The following ZNF609 variants were observed in gnomAD, a reference collection of about 807,000 sequenced individuals.
The protein encoded by ZNF609 is zinc finger protein 609.
ZNF609 carries 11 observed loss-of-function variants against 109.5 expected under a neutral mutation model. The observed-to-expected ratio is 0.10, with a 90% CI of 0.06 to 0.17. The LOEUF (loss-of-function observed/expected upper bound fraction) is 0.17, where lower values mean the gene tolerates loss of function less well. Ranked by LOEUF, ZNF609 falls within the 10% of genes least tolerant of loss-of-function variation. ZNF609 has a pLI of 1.00. For missense variants in ZNF609, 1,559 were observed against 1,772.4 expected (o/e 0.88, Z 2.16); for synonymous variants, 646 against 662.0 (o/e 0.98, Z 0.37).
At chr15:64,665,578 C>G (rs560011628) in intron 3 of ZNF609, among the ~76,000 whole-genome samples, 87 of 151,954 alleles carry the variant, frequency 5.7e-4, no homozygotes, top group African/African-American at 2.0e-3. Flanking sequence ...TAGTGAGACT[C>G]TGTCTCTATT....
At chr15:64,604,875 AG>A (rs1242922074) in intron 2 of ZNF609, among the ~76,000 whole-genome samples, 5 of 152,076 alleles carry the variant, frequency 3.3e-5, no homozygotes, top group African/African-American at 1.2e-4. Flanking sequence ...TCTATCGCCC[AG>A]GCTGGAGTGC....
chr15:64,584,765 A>T (rs554625719), intron 2 of ZNF609, among the ~76,000 whole-genome samples: 23 of 151,756 alleles, frequency 1.5e-4, no homozygotes, highest in East Asian at 5.9e-4. Context: ...AGTAGCTGGG[A>T]CTATGGGTGC....
intron 1 of ZNF609, among the ~76,000 whole-genome samples, chr15:64,490,973 T>C (rs1286261763): frequency 6.6e-6 from 1 of 152,260 alleles, no homozygotes; most frequent in Non-Finnish European, 1.5e-5. Flanking sequence ...TGTTTTGCTC[T>C]CCTGTCCTTA....
intron 3 of ZNF609, among the ~76,000 whole-genome samples, chr15:64,662,082 C>T (rs1470975814): frequency 6.6e-6 from 1 of 152,112 alleles, no homozygotes; most frequent in African/African-American, 2.4e-5. Flanking sequence ...ATATCTGGGG[C>T]TGGAGGATCC....
chr15:64,492,374 A>G (rs552968894), intron 1 of ZNF609, among the ~76,000 whole-genome samples: 1 of 152,292 alleles, frequency 6.6e-6, no homozygotes, highest in African/African-American at 2.4e-5. Context: ...GTATTGGTAC[A>G]ACCTGTAATT....
At chr15:64,604,806 A>ATTTATTT (rs1555422362) in intron 2 of ZNF609, among the ~76,000 whole-genome samples, 3 of 151,848 alleles carry the variant, frequency 2.0e-5, no homozygotes, top group African/African-American at 7.3e-5. Context: ...TATTTAATTT[A>ATTTATTT]ATTTATTTAG....
At position 64,500,069 on chromosome 15, in the gene ZNF609, T is replaced by C. The variant is rs779190556; in HGVS notation, c.650T>C (p.Ile217Thr). ...GAVEPLGSIAIEPGAALNPLG... is the reference protein window; with the variant it reads ...GAVEPLGSIATEPGAALNPLG... Reference sequence around the variant, plus strand: ...GTGGAGCCACTTGGGAGTATAGCTATTGAGCCTGGGGCAGCGCTCAATCCT... The same window carrying C: ...GTGGAGCCACTTGGGAGTATAGCTACTGAGCCTGGGGCAGCGCTCAATCCT... The change falls in exon 2 of 10, where the codon ATT becomes ACT. Residue 217 changes from isoleucine (I) to threonine (T), a missense_variant. Around this residue, in one of 4 missense-constraint regions of ZNF609, gnomAD observed 291 missense variants for 317.8 expected, o/e 0.92. Transcript: ENST00000326648. 9.9e-6 allele frequency: 16 copies of C among 1,614,122 alleles called. No homozygotes were observed. Among genetic ancestry groups the C allele is most frequent in the Non-Finnish European group, 1.3e-5 (15 of 1,180,026 alleles).
chr15:64,539,400 G>A (rs1180876642), intron 2 of ZNF609, among the ~76,000 whole-genome samples: 1 of 151,760 alleles, frequency 6.6e-6, no homozygotes, highest in Admixed American at 6.6e-5. Context: ...GTAGAGACGG[G>A]GTTTCACCAT....
Position 64,678,388 on chromosome 15 carries a change from C to T in ZNF609, c.3675C>T (p.Ile1225=). Residue 1225 remains isoleucine, a synonymous_variant, in exon 6 of 10, where the codon ATC becomes ATT. Coordinates refer to ENST00000326648, the MANE Select transcript of ZNF609 (RefSeq NM_015042.2). ...SSPLTQHQSY[I]PYMHGYSYSQ... is the part of the protein sequence containing the mutation. ...CACTTACCCAGCACCAGTCCTACAT[C>T]CCCTACATGCACGGCTATTCCTACA... The T allele has an allele frequency of 1.2e-6, 2 of 1,614,014 alleles. No homozygotes were observed. Among genetic ancestry groups the T allele is most frequent in the Non-Finnish European group, 1.7e-6 (2 of 1,179,934 alleles).
chr15:64,613,319 C>CGAA (rs748276794), intron 2 of ZNF609, among the ~76,000 whole-genome samples: 2 of 151,748 alleles, frequency 1.3e-5, no homozygotes, highest in South Asian at 2.1e-4. Context: ...AGAAAAAAAA[C>CGAA]GAAGAAGAAG....
chr15:64,653,763 C>T (rs978372012), intron 3 of ZNF609, among the ~76,000 whole-genome samples: 12 of 152,182 alleles, frequency 7.9e-5, no homozygotes, highest in African/African-American at 2.4e-4. Flanking sequence ...AATAGTAGCT[C>T]CTTGCAGATT....
chr15:64,666,894 C>T (rs550631197), intron 3 of ZNF609, among the ~76,000 whole-genome samples: 2 of 151,664 alleles, frequency 1.3e-5, no homozygotes, highest in East Asian at 3.9e-4. Flanking sequence ...TTGGGGAGGC[C>T]GAGGCGGGCG....
chr15:64,550,906 G>T (rs1894458183), intron 2 of ZNF609, among the ~76,000 whole-genome samples: 1 of 150,932 alleles, frequency 6.6e-6, no homozygotes, highest in Admixed American at 6.6e-5. Flanking sequence ...TGTCTTCTTA[G>T]TCTTCTCATG....
At chr15:64,460,970 G>T (rs1211913442) in intron 1 of ZNF609, 132 bp downstream of exon 1, 2 of 105,074 alleles carry the variant, frequency 1.9e-5, no homozygotes, top group African/African-American at 7.7e-5. Flanking sequence ...AGTGGGGGTT[G>T]GGGGGGCTGG....
chr15:64,520,952 A>G (rs570331586), intron 2 of ZNF609, among the ~76,000 whole-genome samples: 1 of 152,280 alleles, frequency 6.6e-6, no homozygotes, highest in South Asian at 2.1e-4. Context: ...TTCAGCTGTT[A>G]CCTTTACCTG....
At chr15:64,577,970 CAT>C (rs1895029990) in intron 2 of ZNF609, among the ~76,000 whole-genome samples, 1 of 151,364 alleles carries the variant, frequency 6.6e-6, no homozygotes, top group African/African-American at 2.4e-5. Context: ...GCCTGGGCAA[CAT>C]AGTGAAACCC....
chr15:64,673,324 C>T (rs78891989), intron 4 of ZNF609, among the ~76,000 whole-genome samples: 15 of 152,268 alleles, frequency 9.9e-5, no homozygotes, highest in Admixed American at 5.9e-4. Context: ...AGGTTTAATT[C>T]TAGGCAGTGT....
chr15:64,519,456 C>T (rs1489388659), intron 2 of ZNF609, among the ~76,000 whole-genome samples: 4 of 152,124 alleles, frequency 2.6e-5, no homozygotes, highest in Admixed American at 6.5e-5. Flanking sequence ...GGAACTGCTT[C>T]CTTGTGTCCT....
At chr15:64,641,488 A>G (rs1187316212) in intron 3 of ZNF609, among the ~76,000 whole-genome samples, 2 of 151,888 alleles carry the variant, frequency 1.3e-5, no homozygotes, top group Admixed American at 1.3e-4. Context: ...TGCTGGGATT[A>G]CAGGAGTGAG....
Sources: gnomAD v4.1 joint callset for allele counts (sites outside exome capture counted in the v4.1 genomes callset) on GRCh38, gnomAD v4.1.1 for gene constraint, gnomAD v4.1.1 regional missense constraint, MANE v1.5 for transcripts, NCBI Gene and HGNC (gene_info 2026-07-23, HGNC 2026-07-21) for gene names.